SEMA6B: variants seen among roughly 807,000 people sequenced by gnomAD.
SEMA6B encodes semaphorin 6B.
In SEMA6B, 47 loss-of-function variants were observed where a neutral mutation model predicts 78.6. The ratio of observed to expected loss-of-function variants is 0.60; its 90% CI spans 0.47 to 0.76. The LOEUF is 0.76. SEMA6B is among the 30% of genes least tolerant of loss of function. SEMA6B has a pLI of 0.00. For synonymous variants in SEMA6B, 632 were observed against 592.2 expected, an observed-to-expected ratio of 1.07 and a Z score of -0.98; for missense variants, 1,213 against 1,269.9, an observed-to-expected ratio of 0.96 and a Z score of 0.68.
intron 16 of SEMA6B, among the ~76,000 whole-genome samples, chr19:4,545,148 G>A (rs1977131985): frequency 6.6e-6 from 1 of 151,608 alleles, no homozygotes; most frequent in South Asian, 2.1e-4. Flanking sequence ...TTTGAGACCA[G>A]CCTGGCCAAC....
At position 4,555,643 on chromosome 19, in the gene SEMA6B, A is replaced by G. The variant is rs1270565254; in HGVS notation, c.472-79T>C. Reference sequence around the variant, plus strand: ...CCTGGCTCCCTCAGCCCCCCACTCCAGGGGGAATCCTGATCCACCACGGAT... The same window carrying G: ...CCTGGCTCCCTCAGCCCCCCACTCCGGGGGGAATCCTGATCCACCACGGAT... On this transcript the variant is annotated intron_variant, in intron 6 of 16. Coordinates refer to ENST00000586582, the MANE Select transcript of SEMA6B (RefSeq NM_032108.4). The surrounding 1 kb of genome is among the most constrained non-coding windows in gnomAD (Gnocchi z 6.1). 7 of 1,150,452 alleles carry G rather than the reference A, an allele frequency of 6.1e-6. No homozygotes were observed. The East Asian group carries it at 1.5e-4, about 24-fold the overall frequency. The allele number at this position is 1,150,452 out of a possible 1,614,324, so 71.3% of individuals were successfully genotyped here.
chr19:4,542,811 T>C lies in SEMA6B; in HGVS notation c.*790A>G, dbSNP rs768395524. 5.6e-5 allele frequency: 38 copies of C among 676,652 alleles called. No homozygotes were observed. Among genetic ancestry groups the C allele is most frequent in the African/African-American group, 1.8e-5 (1 of 55,938 alleles). 41.9% of individuals were successfully genotyped at this position (676,652 alleles called of 1,614,324 possible). A position where few individuals can be genotyped will look rare whatever the true frequency, so the allele number is the denominator to read the frequency against. ...CGCCGCCCCCCAGGCCCCCAAGCCC[T>C]TTAGACAGCTGCTGCCGATGTGACT... On this transcript the variant is annotated 3_prime_UTR_variant, in exon 17 of 17. Transcript: ENST00000586582.
rs1324377943 is a variant in SEMA6B, at chr19:4,558,736, TA to T, written c.-32-248del. On this transcript the variant is annotated intron_variant, in intron 1 of 16. Transcript: ENST00000586582. This position sits in a 1 kb window ranked among gnomAD's most constrained non-coding sequence, Gnocchi z 5.1. ...TCAAACAAAACTGCATTCGGTAATT[TA>T]AAACTAATAATAATTATTATAATAA... Among the ~76,000 whole-genome samples the T allele has an allele frequency of 2.2e-4, 33 of 152,184 alleles. No individual in the cohort carries two copies. The highest frequency in any genetic ancestry group is 1.5e-3 in the East Asian group (8 of 5,186).
intron 12 of SEMA6B, among the ~76,000 whole-genome samples, chr19:4,549,616 C>T (rs1264683915): frequency 6.6e-6 from 1 of 152,280 alleles, no homozygotes; most frequent in African/African-American, 2.4e-5. Flanking sequence ...GTAGCTGGGA[C>T]TACAGGCGCC....
chr19:4,544,017 G>A lies in SEMA6B; in HGVS notation c.2251C>T (p.Leu751=), dbSNP rs1299835127. The change falls in exon 17 of 17, where the codon CTG becomes TTG. Residue 751 remains leucine (L), a synonymous_variant. Transcript: ENST00000586582. This position sits in a 1 kb window ranked among gnomAD's most constrained non-coding sequence, Gnocchi z 5.1. The part of the protein sequence containing the change: ...LLPASASSSL[L]LLAPARAPEQ... The stretch of plus-strand genomic sequence containing the variant: ...GGGGCCCGGGCGGGCGCCAGCAGCA[G>A]GAGGGAGGATGAAGCGGAGGCCGGG... 19 of 1,215,564 alleles carry A rather than the reference G, an allele frequency of 1.6e-5. No individual in the cohort carries two copies. Among genetic ancestry groups the A allele is most frequent in the Non-Finnish European group, 1.0e-6 (1 of 978,058 alleles). The allele number at this position is 1,215,564 out of a possible 1,614,324, so 75.3% of individuals were successfully genotyped here.
In SEMA6B at chr19:4,550,064, C is replaced by A; in HGVS notation, c.1271+59G>T. The A allele has an allele frequency of 6.4e-7, 1 of 1,567,154 alleles. No homozygotes were observed. The highest frequency in any genetic ancestry group is 1.1e-5 in the South Asian group (1 of 88,162). Reference sequence around the variant, plus strand: ...TCTGTGTTGAGCATCTGGATCCTCTCACCCTCCATCTACCCCATCCTGTCT... The same window carrying A: ...TCTGTGTTGAGCATCTGGATCCTCTAACCCTCCATCTACCCCATCCTGTCT... On this transcript the variant is annotated intron_variant, in intron 12 of 16. Coordinates refer to ENST00000586582, the MANE Select transcript of SEMA6B (RefSeq NM_032108.4). The surrounding 1 kb of genome is among the most constrained non-coding windows in gnomAD (Gnocchi z 6.6).
intron 12 of SEMA6B, among the ~76,000 whole-genome samples, chr19:4,549,008 G>A (rs913732919): frequency 6.6e-6 from 1 of 151,616 alleles, no homozygotes; most frequent in African/African-American, 2.4e-5. Flanking sequence ...TGTATTTTTA[G>A]TAGAGACAGG....
Position 4,543,189 on chromosome 19 carries a change from TG to T in SEMA6B, c.*411del. The T allele has an allele frequency of 1.7e-6, 1 of 588,056 alleles. No individual in the cohort carries two copies. The highest frequency in any genetic ancestry group is 3.0e-6 in the Non-Finnish European group (1 of 329,354). The allele number at this position is 588,056 out of a possible 1,614,324, so 36.4% of individuals were successfully genotyped here. A position where few individuals can be genotyped will look rare whatever the true frequency, so the allele number is the denominator to read the frequency against. Reference sequence around the variant, plus strand: ...GGTTGGGGAGGGACCTTTCCAGGGGTGGGGGAGGGCTTAGGTCTGCAGCTGT... The same window carrying T: ...GGTTGGGGAGGGACCTTTCCAGGGGTGGGGAGGGCTTAGGTCTGCAGCTGT... On this transcript the variant is annotated 3_prime_UTR_variant, in exon 17 of 17. Coordinates refer to ENST00000586582, the MANE Select transcript of SEMA6B (RefSeq NM_032108.4).
chr19:4,545,494 C>T (rs762426345), intron 16 of SEMA6B, among the ~76,000 whole-genome samples: 1 of 152,100 alleles, frequency 6.6e-6, no homozygotes, highest in Non-Finnish European at 1.5e-5. Flanking sequence ...TGCACTGCCA[C>T]GTCTGGATTA....
intron 9 of SEMA6B, 66 bp downstream of exon 9, chr19:4,554,322 A>T (rs957443424): frequency 1.5e-6 from 2 of 1,293,152 alleles, no homozygotes; most frequent in Admixed American, 3.4e-5. Context: ...TCATGGATCC[A>T]CCTCTGCCCC....
intron 10 of SEMA6B, among the ~76,000 whole-genome samples, chr19:4,551,733 G>A (rs748111688): frequency 6.6e-5 from 10 of 151,762 alleles, no homozygotes; most frequent in Non-Finnish European, 1.3e-4. Context: ...GGAGGCTGAG[G>A]CAGGAGAATT....
At position 4,544,027 on chromosome 19, in the gene SEMA6B, T is replaced by C; in HGVS notation, c.2241A>G (p.Ser747=). 1 of 1,213,010 alleles carries C rather than the reference T, an allele frequency of 8.2e-7. No individual in the cohort carries two copies. Among genetic ancestry groups the C allele is most frequent in the Non-Finnish European group, 1.0e-6 (1 of 977,236 alleles). 75.1% of individuals were successfully genotyped at this position (1,213,010 alleles called of 1,614,324 possible). A position where few individuals can be genotyped will look rare whatever the true frequency, so the allele number is the denominator to read the frequency against. The change falls in exon 17 of 17, where the codon TCA becomes TCG. Residue 747 remains serine (S), a synonymous_variant. Transcript: ENST00000586582. The surrounding 1 kb of genome is among the most constrained non-coding windows in gnomAD (Gnocchi z 5.1). Reference sequence around the variant, plus strand: ...CGGGCGCCAGCAGCAGGAGGGAGGATGAAGCGGAGGCCGGGAGCAGGGGGT... The same window carrying C: ...CGGGCGCCAGCAGCAGGAGGGAGGACGAAGCGGAGGCCGGGAGCAGGGGGT... ...HGHPLLPASA[S]SSLLLLAPAR...
chr19:4,557,887 GGTC>G, intron 3 of SEMA6B, 136 bp downstream of exon 3: 1 of 742,036 alleles, frequency 1.3e-6, no homozygotes, highest in Non-Finnish European at 1.9e-6. Context: ...CCTTCCTCCG[GGTC>G]AAAGCCTAAG....
rs889370071 is a variant in SEMA6B at position 4,543,526 on chromosome 19, C to T, written c.*75G>A. ...AGCACCCACTCGGAGTTGCCCCGGGCCCCGGCGTTCTGGCACCGTCTCTCG... is the reference window on the plus strand; with the variant it reads ...AGCACCCACTCGGAGTTGCCCCGGGTCCCGGCGTTCTGGCACCGTCTCTCG... On this transcript the variant is annotated 3_prime_UTR_variant, in exon 17 of 17. Transcript: ENST00000586582. 88 of 788,608 alleles carry T rather than the reference C, an allele frequency of 1.1e-4. No individual in the cohort carries two copies. Among genetic ancestry groups the T allele is most frequent in the Non-Finnish European group, 1.4e-4 (82 of 583,294 alleles). The allele number at this position is 788,608 out of a possible 1,614,324, so 48.9% of individuals were successfully genotyped here.
Position 4,546,400 on chromosome 19 carries a change from C to T in SEMA6B, c.1671G>A (p.Pro557=), listed in dbSNP as rs370723893. The T allele has an allele frequency of 1.3e-5, 20 of 1,583,704 alleles. No individual in the cohort carries two copies. The highest frequency in any genetic ancestry group is 5.4e-5 in the African/African-American group (4 of 74,146). The change falls in exon 15 of 17, where the codon CCG becomes CCA. Residue 557 remains proline, a synonymous_variant. Transcript: ENST00000586582. ...APDGSCIFLS[P]GTRAAFEQDV... ...TCCCTCTCCCGCAGTACCTGGTGCC[C>T]GGGCTGAGGAAGATGCAGGAGCCGT...
At position 4,544,350 on chromosome 19, in the gene SEMA6B, G is replaced by A; in HGVS notation, c.1918C>T (p.Leu640=). Residue 640 remains leucine (L), a synonymous_variant, in exon 17 of 17, where the codon CTG becomes TTG. Transcript: ENST00000586582. This position sits in a 1 kb window ranked among gnomAD's most constrained non-coding sequence, Gnocchi z 5.1. ...ACCGCCTCGCCCGCCCCGTGCGCCA[G>A]GATGGCCTCCTTGTCCTTGCGCCGG... is the stretch of plus-strand genomic sequence containing the variant. ...LARRKDKEAI[L]AHGAGEAVLS... 1 of 1,557,972 alleles carries A rather than the reference G, an allele frequency of 6.4e-7. No homozygotes were observed. Among genetic ancestry groups the A allele is most frequent in the East Asian group, 2.5e-5 (1 of 40,198 alleles).
chr19:4,546,571 T>C, intron 14 of SEMA6B, 102 bp from the exon 15 acceptor site: 1 of 479,524 alleles, frequency 2.1e-6, no homozygotes. Context: ...CCTGCCTCTT[T>C]ATTTTTATTT....
chr19:4,549,878 G>A (rs112810350), intron 12 of SEMA6B, among the ~76,000 whole-genome samples: 3,327 of 152,296 alleles, frequency 0.022, 128 homozygotes, highest in African/African-American at 0.076. Context: ...CTCCCAAAGT[G>A]CTGGGATTAC....
Position 4,556,002 on chromosome 19 carries a change from A to G in SEMA6B, c.457T>C (p.Cys153Arg). 1 of 1,613,926 alleles carries G rather than the reference A, an allele frequency of 6.2e-7. No homozygotes were observed. Residue 153 changes from cysteine to arginine, a missense_variant, in exon 6 of 17, where the codon TGC (cysteine) becomes CGC (arginine). Physicochemically the swap from Cys to Arg is radical, Grantham distance 180. Coordinates refer to ENST00000586582, the MANE Select transcript of SEMA6B (RefSeq NM_032108.4). Reference sequence around the variant, plus strand: ...TGAAGACTCACGCTGTAGTTGGCGCACACCGGGTTGAAGGCGTTGGAACCG... The same window carrying G: ...TGAAGACTCACGCTGTAGTTGGCGCGCACCGGGTTGAAGGCGTTGGAACCG... ...VCGSNAFNPV[C>R]ANYSIDTLQP...
Sources: allele counts gnomAD v4.1 joint callset (sites outside exome capture counted in the v4.1 genomes callset), GRCh38; gene constraint gnomAD v4.1.1; non-coding constraint Gnocchi (gnomAD v3.1); transcripts MANE v1.5; gene names NCBI Gene and HGNC (gene_info 2026-07-23, HGNC 2026-07-21).